Variants in LRP1B observed in about 807,000 individuals in gnomAD.
LRP1B encodes LDL receptor related protein 1B, also known as low-density lipoprotein receptor-related protein 1B.
LRP1B carries 217 observed loss-of-function variants against 556.6 expected under a neutral mutation model. That is an observed-to-expected ratio of 0.39 (90% CI 0.35 to 0.44). The LOEUF (loss-of-function observed/expected upper bound fraction) is 0.44. Among genes scored for constraint, LRP1B ranks in the 20% least tolerant of loss-of-function variants. The probability of loss-of-function intolerance (pLI) is 1.00; values close to 1 mark genes in which losing one functional copy is unlikely to be tolerated. For missense variants in LRP1B, 5,053 were observed against 5,620.8 expected (o/e 0.90, Z 3.23); for synonymous variants, 2,047 against 1,865.8 (o/e 1.10, Z -2.50).
At chr2:142,085,392 C>T (rs1276167357) in intron 1 of LRP1B, among the ~76,000 whole-genome samples, 2 of 152,138 alleles carry the variant, frequency 1.3e-5, no homozygotes, top group Admixed American at 1.3e-4. Flanking sequence ...CTCTACCGGA[C>T]TCTGAACTCA....
intron 3 of LRP1B, among the ~76,000 whole-genome samples, chr2:141,394,749 T>C (rs1690179098): frequency 6.6e-6 from 1 of 152,100 alleles, no homozygotes; most frequent in Non-Finnish European, 1.5e-5. Context: ...AAAAATTCAG[T>C]TGGAACTTTA....
intron 16 of LRP1B, among the ~76,000 whole-genome samples, chr2:140,993,030 G>A (rs13408507): frequency 0.66 from 100,074 of 151,778 alleles, 33,680 homozygotes; most frequent in Non-Finnish European, 0.73. Context: ...TTTTTGTCCT[G>A]AAGCATCGAT....
intron 65 of LRP1B, 128 bp from the exon 66 acceptor site, chr2:140,442,751 T>C: frequency 3.6e-6 from 3 of 822,814 alleles, no homozygotes. Flanking sequence ...AATAGGACTC[T>C]GAAGGTGAGG....
intron 2 of LRP1B, among the ~76,000 whole-genome samples, chr2:141,624,535 G>A (rs1688632992): frequency 6.6e-6 from 1 of 151,950 alleles, no homozygotes; most frequent in African/African-American, 2.4e-5. Context: ...AAATACAGCT[G>A]GCAAATACAT....
chr2:141,171,310 TA>T (rs1214081346), intron 7 of LRP1B, among the ~76,000 whole-genome samples: 3 of 152,060 alleles, frequency 2.0e-5, no homozygotes, highest in Non-Finnish European at 4.4e-5. Flanking sequence ...TTCAGTGCCC[TA>T]AAAATTCTCA....
At chr2:140,303,658 T>TA (rs1345741936) in intron 83 of LRP1B, among the ~76,000 whole-genome samples, 17 of 152,154 alleles carry the variant, frequency 1.1e-4, no homozygotes, top group Admixed American at 6.5e-5. Flanking sequence ...TATTTTTTAA[T>TA]AAAAAATCTT....
chr2:141,460,632 A>G (rs533659189), intron 3 of LRP1B, among the ~76,000 whole-genome samples: 20 of 152,320 alleles, frequency 1.3e-4, no homozygotes, highest in African/African-American at 4.3e-4. Flanking sequence ...TATTTATAAC[A>G]ATATTTGGAA....
intron 1 of LRP1B, among the ~76,000 whole-genome samples, chr2:141,915,208 A>G (rs1421211384): frequency 1.3e-5 from 2 of 152,218 alleles, no homozygotes; most frequent in Admixed American, 1.3e-4. Flanking sequence ...ACCTATAGCC[A>G]TCTGATTTTC....
At position 140,703,275 on chromosome 2, in the gene LRP1B, G is replaced by A. The variant is rs144570714; in HGVS notation, c.6024-722C>T. On this transcript the variant is annotated intron_variant, in intron 37 of 90. Coordinates refer to ENST00000389484, the MANE Select transcript of LRP1B (RefSeq NM_018557.3). ...AATCTTATAAAACAAAATGTAATGGGGGACTATGTGAAAGAAAATGTCATG... is the reference window on the plus strand; with the variant it reads ...AATCTTATAAAACAAAATGTAATGGAGGACTATGTGAAAGAAAATGTCATG... 7.5e-4 allele frequency among the ~76,000 whole-genome samples: 114 copies of A among 151,968 alleles called. No homozygotes were observed. In the East Asian group the frequency reaches 0.019, roughly 26 times the overall value.
rs1462064964 is a variant in LRP1B at position 141,464,436 on chromosome 2, G to A, written c.343+15960C>T. ...TGCTGTGACTTTTTTTTTTTGAGAC[G>A]GAGTCTCGCTCTGTACCCCAGGCTG... On this transcript the variant is annotated intron_variant, in intron 3 of 90. Transcript: ENST00000389484. 3.3e-5 allele frequency among the ~76,000 whole-genome samples: 5 copies of A among 149,410 alleles called. 1 individual carries two copies. The highest frequency in any genetic ancestry group is 2.7e-4 in the Admixed American group (4 of 15,014).
intron 7 of LRP1B, among the ~76,000 whole-genome samples, chr2:141,119,025 G>A (rs973360007): frequency 7.2e-5 from 11 of 151,830 alleles, no homozygotes; most frequent in Non-Finnish European, 1.5e-4. Context: ...CTGCTCAGGC[G>A]GTTAATTTGC....
chr2:142,051,433 A>T (rs1178858831), intron 1 of LRP1B, among the ~76,000 whole-genome samples: 1 of 151,534 alleles, frequency 6.6e-6, no homozygotes, highest in Non-Finnish European at 1.5e-5. Flanking sequence ...GGTGGAAAAA[A>T]GTAACTAATA....
intron 6 of LRP1B, among the ~76,000 whole-genome samples, chr2:141,204,885 C>T (rs1343462216): frequency 6.6e-6 from 1 of 151,674 alleles, no homozygotes; most frequent in Non-Finnish European, 1.5e-5. Context: ...TGCAGTGAGC[C>T]AAGATCATGG....
At chr2:141,470,164 T>G (rs931658922) in intron 3 of LRP1B, among the ~76,000 whole-genome samples, 1 of 152,192 alleles carries the variant, frequency 6.6e-6, no homozygotes, top group African/African-American at 2.4e-5. Context: ...CTTTGAGAAA[T>G]CTCTCTTTAT....
chr2:141,606,443 C>T (rs1028137782), intron 2 of LRP1B, among the ~76,000 whole-genome samples: 6 of 152,116 alleles, frequency 3.9e-5, no homozygotes, highest in Admixed American at 1.3e-4. Context: ...TGAAAAATAG[C>T]ATGGAAACTT....
intron 2 of LRP1B, among the ~76,000 whole-genome samples, chr2:141,694,392 C>G (rs547640357): frequency 6.6e-6 from 1 of 152,040 alleles, no homozygotes; most frequent in East Asian, 1.9e-4. Flanking sequence ...AGTGACCCAG[C>G]CTTAGTGCCA....
At chr2:141,759,594 T>C (rs1405112852) in intron 2 of LRP1B, among the ~76,000 whole-genome samples, 1 of 152,210 alleles carries the variant, frequency 6.6e-6, no homozygotes, top group African/African-American at 2.4e-5. Flanking sequence ...GAGCCTAACA[T>C]GTTATACGCT....
At chr2:140,666,076 C>A (rs1352113581) in intron 41 of LRP1B, among the ~76,000 whole-genome samples, 1 of 151,654 alleles carries the variant, frequency 6.6e-6, no homozygotes, top group Non-Finnish European at 1.5e-5. Context: ...TCACTGCAAC[C>A]TCTGCCCTCC....
chr2:141,155,020 AAAAC>A (rs999912546), intron 7 of LRP1B, among the ~76,000 whole-genome samples: 2 of 151,986 alleles, frequency 1.3e-5, no homozygotes, highest in Non-Finnish European at 2.9e-5. Flanking sequence ...CAGTAAAAAT[AAAAC>A]AAAAGTAGTT....
Sources: gnomAD v4.1 joint callset for allele counts (sites outside exome capture counted in the v4.1 genomes callset) on GRCh38, gnomAD v4.1.1 for gene constraint, MANE v1.5 for transcripts, NCBI Gene and HGNC (gene_info 2026-07-23, HGNC 2026-07-21) for gene names.